MS4A15: variants seen among roughly 807,000 people sequenced by gnomAD.
The protein encoded by MS4A15 is membrane spanning 4-domains A15, also known as membrane-spanning 4-domains subfamily A member 15.
In MS4A15, 22 loss-of-function variants were observed where a neutral mutation model predicts 20.6. That is an observed-to-expected ratio of 1.07 (90% CI 0.76 to 1.52). The LOEUF is 1.52. Among genes scored for constraint, MS4A15 ranks in the 40% most tolerant of loss-of-function variants. The pLI, the probability that MS4A15 is intolerant of heterozygous loss-of-function variation, is 0.00. For missense variants in MS4A15, 312 were observed against 323.0 expected (o/e 0.97, Z 0.26); for synonymous variants, 129 against 129.3 (o/e 1.00, Z 0.02).
Position 60,771,070 on chromosome 11 carries a change from G to A in MS4A15, c.349-221G>A, listed in dbSNP as rs138679535. On this transcript the variant is annotated intron_variant, in intron 3 of 6. Transcript: ENST00000405633. ...AACAATGCCTTCCCCATGAGGCCCT[G>A]ATGATATGACGTCAATGAAAACACT... 5.0e-3 allele frequency among the ~76,000 whole-genome samples: 766 copies of A among 152,310 alleles called. 3 individuals are homozygous for A. The highest frequency in any genetic ancestry group is 0.012 in the Admixed American group (187 of 15,298).
intron 1 of MS4A15, among the ~76,000 whole-genome samples, chr11:60,761,903 T>G (rs1459978303): frequency 1.3e-5 from 2 of 152,246 alleles, no homozygotes; most frequent in East Asian, 3.8e-4. Context: ...GTATGCTACA[T>G]GCCTGTCTCA....
At chr11:60,765,257 G>A (rs961848750) in intron 2 of MS4A15, among the ~76,000 whole-genome samples, 5 of 152,140 alleles carry the variant, frequency 3.3e-5, no homozygotes, top group South Asian at 2.1e-4. Context: ...TTTCTGTACT[G>A]GTTGGGTTGC....
In MS4A15 at chr11:60,767,559, C is replaced by A; in HGVS notation, c.252C>A (p.Ile84=). The A allele has an allele frequency of 6.4e-7, 1 of 1,550,566 alleles. No individual in the cohort carries two copies. The highest frequency in any genetic ancestry group is 2.0e-5 in the Admixed American group (1 of 50,544). Reference sequence around the variant, plus strand: ...CGGTGCAGATCCTCATCGGCCTCATCCACCTAGGCTTTGGCAGCGTGCTGC... The same window carrying A: ...CGGTGCAGATCCTCATCGGCCTCATACACCTAGGCTTTGGCAGCGTGCTGC... ...LGTVQILIGL[I]HLGFGSVLLM... Residue 84 remains isoleucine, a synonymous_variant, in exon 3 of 7, where the codon ATC becomes ATA. Transcript: ENST00000405633.
At chr11:60,766,050 A>T (rs1853878810) in intron 2 of MS4A15, among the ~76,000 whole-genome samples, 1 of 152,178 alleles carries the variant, frequency 6.6e-6, no homozygotes, top group Non-Finnish European at 1.5e-5. Flanking sequence ...AACATCTCTG[A>T]CCTTCAGTTT....
At chr11:60,757,544 T>C (rs1565066763) in intron 1 of MS4A15, among the ~76,000 whole-genome samples, 2 of 152,158 alleles carry the variant, frequency 1.3e-5, no homozygotes, top group Admixed American at 6.5e-5. Flanking sequence ...TTCCCTTCTG[T>C]AGGGCATAAG....
intron 1 of MS4A15, among the ~76,000 whole-genome samples, 165 bp from the exon 2 acceptor site, chr11:60,763,541 G>A (rs1853800514): frequency 6.6e-6 from 1 of 152,196 alleles, no homozygotes; most frequent in Non-Finnish European, 1.5e-5. Context: ...CTTGACCTCA[G>A]ACATCTTTCG....
chr11:60,758,988 G>A (rs1853658396), intron 1 of MS4A15, among the ~76,000 whole-genome samples: 1 of 152,234 alleles, frequency 6.6e-6, no homozygotes, highest in African/African-American at 2.4e-5. Context: ...CATAGTTAGT[G>A]ATTCCGCTTA....
chr11:60,764,599 AT>A (rs1375177454), intron 2 of MS4A15, among the ~76,000 whole-genome samples: 1 of 152,230 alleles, frequency 6.6e-6, no homozygotes, highest in Non-Finnish European at 1.5e-5. Flanking sequence ...GTGTGTGTGT[AT>A]ACATGTAGCG....
intron 1 of MS4A15, among the ~76,000 whole-genome samples, chr11:60,758,035 T>C (rs559310216): frequency 9.2e-5 from 14 of 152,338 alleles, no homozygotes; most frequent in Admixed American, 6.5e-4. Context: ...CTCCACATGA[T>C]TGGAAAACTT....
intron 1 of MS4A15, among the ~76,000 whole-genome samples, chr11:60,761,526 TGATTGGA>T (rs754613009): frequency 3.3e-5 from 5 of 152,188 alleles, no homozygotes; most frequent in Non-Finnish European, 2.9e-5. Context: ...GCACCTTACT[TGATTGGA>T]GTCCCCATGG....
At chr11:60,762,783 G>C (rs1239602293) in intron 1 of MS4A15, among the ~76,000 whole-genome samples, 2 of 152,196 alleles carry the variant, frequency 1.3e-5, no homozygotes, top group African/African-American at 4.8e-5. Context: ...TTATGTACAT[G>C]GCATTTGAGG....
chr11:60,766,712 T>C (rs1853893487), intron 2 of MS4A15, among the ~76,000 whole-genome samples: 1 of 152,220 alleles, frequency 6.6e-6, no homozygotes, highest in African/African-American at 2.4e-5. Flanking sequence ...GCACTCATGT[T>C]AGAAAGAAAT....
At chr11:60,757,976 C>A (rs1017839242) in intron 1 of MS4A15, among the ~76,000 whole-genome samples, 2 of 152,158 alleles carry the variant, frequency 1.3e-5, no homozygotes, top group African/African-American at 4.8e-5. Context: ...TGTACATTCA[C>A]CGTTTACGAA....
chr11:60,772,569 G>A (rs1044184410), intron 4 of MS4A15, among the ~76,000 whole-genome samples: 9 of 152,200 alleles, frequency 5.9e-5, no homozygotes, highest in African/African-American at 1.4e-4. Flanking sequence ...TGGATTTCTT[G>A]TGAGGCTGTT....
Position 60,775,763 on chromosome 11 carries a change from G to T in MS4A15, c.*48G>T. The T allele has an allele frequency of 1.4e-6, 2 of 1,478,258 alleles. No individual in the cohort carries two copies. The highest frequency in any genetic ancestry group is 1.2e-5 in the South Asian group (1 of 84,498). The allele number at this position is 1,478,258 out of a possible 1,614,324, so 91.6% of individuals were successfully genotyped here. A position where few individuals can be genotyped will look rare whatever the true frequency, so the allele number is the denominator to read the frequency against. ...GTGGAGTCCAGCCTTTTCCCTCTGG[G>T]CCCAGCCTCTCCCCACCCCCACCTT... On this transcript the variant is annotated 3_prime_UTR_variant, in exon 7 of 7. Transcript: ENST00000405633.
intron 1 of MS4A15, among the ~76,000 whole-genome samples, chr11:60,759,360 G>A (rs891974969): frequency 1.8e-4 from 28 of 152,180 alleles, no homozygotes; most frequent in Non-Finnish European, 7.3e-5. Context: ...AAAAGTCATC[G>A]CCATTCTCCA....
Position 60,775,765 on chromosome 11 carries a change from C to T in MS4A15, c.*50C>T. On this transcript the variant is annotated 3_prime_UTR_variant, in exon 7 of 7. Transcript: ENST00000405633. ...GGAGTCCAGCCTTTTCCCTCTGGGC[C>T]CAGCCTCTCCCCACCCCCACCTTGT... is the stretch of plus-strand genomic sequence containing the variant. 1 of 1,442,772 alleles carries T rather than the reference C, an allele frequency of 6.9e-7. No homozygotes were observed. Among genetic ancestry groups the T allele is most frequent in the Non-Finnish European group, 9.6e-7 (1 of 1,041,382 alleles). 89.4% of individuals were successfully genotyped at this position (1,442,772 alleles called of 1,614,324 possible). A position where few individuals can be genotyped will look rare whatever the true frequency, so the allele number is the denominator to read the frequency against.
At position 60,776,359 on chromosome 11, in the gene MS4A15, T is replaced by TC. The variant is rs1408518362; in HGVS notation, c.*646dup. 2.0e-5 allele frequency: 3 copies of TC among 152,360 alleles called. No individual in the cohort carries two copies. Among genetic ancestry groups the TC allele is most frequent in the African/African-American group, 7.2e-5 (3 of 41,446 alleles). 9.4% of individuals were successfully genotyped at this position (152,360 alleles called of 1,614,324 possible). Reference sequence around the variant, plus strand: ...CTAGGCCAGGCATTGTCCCCCTGCTTCCTGGAAACCCTCATTTTCCTTGTC... The same window carrying TC: ...CTAGGCCAGGCATTGTCCCCCTGCTTCCCTGGAAACCCTCATTTTCCTTGTC... On this transcript the variant is annotated 3_prime_UTR_variant, in exon 7 of 7. Coordinates refer to ENST00000405633, the MANE Select transcript of MS4A15 (RefSeq NM_001098835.2).
chr11:60,767,953 G>A (rs942249947), intron 3 of MS4A15, among the ~76,000 whole-genome samples: 13 of 152,234 alleles, frequency 8.5e-5, no homozygotes, highest in Non-Finnish European at 1.9e-4. Flanking sequence ...AACACTTTGG[G>A]AGGCCGAGGC....
Sources: gnomAD v4.1 joint callset for allele counts (sites outside exome capture counted in the v4.1 genomes callset) on GRCh38, gnomAD v4.1.1 for gene constraint, MANE v1.5 for transcripts, NCBI Gene and HGNC (gene_info 2026-07-23, HGNC 2026-07-21) for gene names.